The following ATRNL1 variants were observed in gnomAD, a reference collection of about 807,000 sequenced individuals.
The protein encoded by ATRNL1 is attractin-like protein 1.
In ATRNL1, 95 loss-of-function variants were observed where a neutral mutation model predicts 182.7. The observed-to-expected ratio is 0.52, with a 90% CI of 0.44 to 0.62. The LOEUF (loss-of-function observed/expected upper bound fraction) is 0.62, where lower values mean the gene tolerates loss of function less well. Ranked by LOEUF, ATRNL1 falls within the 20% of genes least tolerant of loss-of-function variation. ATRNL1 has a pLI of 0.00. For missense variants in ATRNL1, 1,471 were observed against 1,679.5 expected (o/e 0.88, Z 2.17); for synonymous variants, 576 against 568.3 (o/e 1.01, Z -0.19).
At chr10:115,682,326 G>GGAGA (rs1555044970) in intron 26 of ATRNL1, among the ~76,000 whole-genome samples, 2 of 152,208 alleles carry the variant, frequency 1.3e-5, no homozygotes, top group East Asian at 3.9e-4. Context: ...ATCACTTGAG[G>GGAGA]TCAGGGGTTC....
chr10:115,863,528 A>G (rs1166180209), intron 28 of ATRNL1, among the ~76,000 whole-genome samples: 3 of 152,202 alleles, frequency 2.0e-5, no homozygotes, highest in African/African-American at 7.2e-5. Flanking sequence ...GTCAGAGAAA[A>G]ATGATACATA....
intron 8 of ATRNL1, 91 bp from the exon 9 acceptor site, chr10:115,215,606 A>G (rs782063608): frequency 6.1e-6 from 6 of 976,314 alleles, no homozygotes; most frequent in Non-Finnish European, 7.4e-6. Flanking sequence ...AAAATATGTC[A>G]TTAGAATTAA....
At chr10:115,818,191 T>C (rs903675585) in intron 27 of ATRNL1, among the ~76,000 whole-genome samples, 1 of 151,450 alleles carries the variant, frequency 6.6e-6, no homozygotes, top group Non-Finnish European at 1.5e-5. Context: ...TTCCGTTTTT[T>C]TTTTTTTTTT....
chr10:115,330,289 A>C (rs1855141534), intron 18 of ATRNL1, among the ~76,000 whole-genome samples: 1 of 152,102 alleles, frequency 6.6e-6, no homozygotes. Context: ...AACCTTCCTA[A>C]TAAGGATATA....
intron 9 of ATRNL1, among the ~76,000 whole-genome samples, chr10:115,237,173 A>G (rs1449327758): frequency 6.6e-6 from 1 of 152,140 alleles, no homozygotes; most frequent in Admixed American, 6.5e-5. Flanking sequence ...GTTGCCTCCA[A>G]ATTTTGACAA....
At chr10:115,554,357 A>G (rs1220795425) in intron 26 of ATRNL1, among the ~76,000 whole-genome samples, 2 of 151,648 alleles carry the variant, frequency 1.3e-5, no homozygotes, top group Non-Finnish European at 3.0e-5. Flanking sequence ...TCAAAATTTT[A>G]ACATAAATTT....
chr10:115,610,190 G>A (rs1019874155), intron 26 of ATRNL1, among the ~76,000 whole-genome samples: 3 of 152,108 alleles, frequency 2.0e-5, no homozygotes, highest in Non-Finnish European at 2.9e-5. Flanking sequence ...TAGTAATGGA[G>A]CAACCGCAAT....
intron 15 of ATRNL1, among the ~76,000 whole-genome samples, chr10:115,299,065 A>G (rs918653655): frequency 6.6e-6 from 1 of 151,860 alleles, no homozygotes; most frequent in Admixed American, 6.6e-5. Flanking sequence ...ATTTTTCTCT[A>G]TCCTGGTACT....
chr10:115,511,724 CATT>C (rs1353284999), intron 24 of ATRNL1, among the ~76,000 whole-genome samples: 6 of 151,654 alleles, frequency 4.0e-5, no homozygotes, highest in African/African-American at 1.5e-4. Flanking sequence ...AAATATTGAT[CATT>C]ATTATTAATT....
intron 22 of ATRNL1, 135 bp from the exon 23 acceptor site, chr10:115,467,039 A>C (rs1554970941): frequency 7.2e-6 from 4 of 556,508 alleles, no homozygotes; most frequent in Non-Finnish European, 1.3e-5. Context: ...AATGGCATCT[A>C]CATATATTCA....
At chr10:115,525,882 C>T (rs1470225705) in intron 25 of ATRNL1, among the ~76,000 whole-genome samples, 1 of 152,152 alleles carries the variant, frequency 6.6e-6, no homozygotes, top group African/African-American at 2.4e-5. Context: ...GGTCATACTT[C>T]CATGGCTCCT....
At chr10:115,320,201 A>G (rs1184637930) in intron 18 of ATRNL1, among the ~76,000 whole-genome samples, 1 of 152,068 alleles carries the variant, frequency 6.6e-6, no homozygotes. Flanking sequence ...TATTTTCTTT[A>G]AGAATGCTGA....
intron 8 of ATRNL1, among the ~76,000 whole-genome samples, chr10:115,195,375 A>G (rs768196826): frequency 6.6e-6 from 1 of 152,072 alleles, no homozygotes; most frequent in Admixed American, 6.6e-5. Context: ...CTGGATATAT[A>G]TAACTTTCTA....
intron 8 of ATRNL1, among the ~76,000 whole-genome samples, chr10:115,193,466 T>G (rs967143412): frequency 9.9e-5 from 15 of 151,988 alleles, no homozygotes; most frequent in African/African-American, 3.4e-4. Flanking sequence ...ATGTTGCAAG[T>G]AATGTATCTG....
chr10:115,887,874 T>C (rs1184174514), intron 28 of ATRNL1, among the ~76,000 whole-genome samples: 2 of 152,124 alleles, frequency 1.3e-5, no homozygotes, highest in Non-Finnish European at 2.9e-5. Flanking sequence ...CTCTTGTGTG[T>C]TGCCTGGATA....
intron 21 of ATRNL1, among the ~76,000 whole-genome samples, chr10:115,452,730 T>A (rs1180975653): frequency 6.6e-6 from 1 of 152,128 alleles, no homozygotes; most frequent in East Asian, 1.9e-4. Context: ...TAGCAAATTT[T>A]AAAAATATAC....
chr10:115,270,466 A>AT (rs1851813241), intron 13 of ATRNL1, among the ~76,000 whole-genome samples: 4 of 147,292 alleles, frequency 2.7e-5, no homozygotes, highest in African/African-American at 9.9e-5. Context: ...TATATATATA[A>AT]AATGAGATTT....
At chr10:115,825,204 T>G (rs1950400853) in intron 27 of ATRNL1, among the ~76,000 whole-genome samples, 1 of 152,056 alleles carries the variant, frequency 6.6e-6, no homozygotes, top group South Asian at 2.1e-4. Flanking sequence ...CATCGCATGT[T>G]CTCACTCATG....
chr10:115,743,502 C>T (rs1468530566), intron 27 of ATRNL1, among the ~76,000 whole-genome samples: 1 of 151,924 alleles, frequency 6.6e-6, no homozygotes, highest in Non-Finnish European at 1.5e-5. Context: ...GAAACATTAT[C>T]TTAAGGTGAT....
Sources: allele counts gnomAD v4.1 joint callset (sites outside exome capture counted in the v4.1 genomes callset), GRCh38; gene constraint gnomAD v4.1.1; transcripts MANE v1.5; gene names NCBI Gene and HGNC (gene_info 2026-07-23, HGNC 2026-07-21).